CCDC30: variants seen among roughly 807,000 people sequenced by gnomAD.
The protein encoded by CCDC30 is coiled-coil domain-containing protein 30.
In CCDC30, 70 loss-of-function variants were observed where a neutral mutation model predicts 100.2. That is an observed-to-expected ratio of 0.70 (90% CI 0.58 to 0.85). The LOEUF (loss-of-function observed/expected upper bound fraction) is 0.85, where lower values mean the gene tolerates loss of function less well. Ranked by LOEUF, CCDC30 falls within the 40% of genes least tolerant of loss-of-function variation. The pLI is 0.00. For synonymous variants in CCDC30, 233 were observed against 269.5 expected (o/e 0.86, Z 1.33); for missense variants, 652 against 771.2 (o/e 0.85, Z 1.83).
chr1:42,601,836 G>C (rs1368251632), intron 10 of CCDC30, among the ~76,000 whole-genome samples: 2 of 152,166 alleles, frequency 1.3e-5, no homozygotes, highest in Non-Finnish European at 2.9e-5. Flanking sequence ...ACAAAGCAAG[G>C]AGACCGTGAC....
intron 14 of CCDC30, among the ~76,000 whole-genome samples, chr1:42,645,265 C>A (rs1647793384): frequency 6.6e-6 from 1 of 151,932 alleles, no homozygotes; most frequent in South Asian, 2.1e-4. Flanking sequence ...ATGATTCTAG[C>A]CCCATCTAAA....
rs61729295 is a variant in CCDC30 at position 42,646,182 on chromosome 1, G to A, written c.1719G>A (p.Leu573=). 1.0e-3 allele frequency: 1,599 copies of A among 1,602,358 alleles called. 23 individuals are homozygous for A. In the African/African-American group the frequency reaches 0.02, roughly 20 times the overall value. ...CAAAATGGTGGCATAGAGGCAAGCT[G>A]GCTTCTCTCCCTCCAACAAAGAAAC... is the stretch of plus-strand genomic sequence containing the variant. The change falls in exon 15 of 17, where the codon CTG becomes CTA. Residue 573 remains leucine, a synonymous_variant. Transcript: ENST00000668663.
chr1:42,481,509 G>A (rs566674302), intron 2 of CCDC30, among the ~76,000 whole-genome samples: 14 of 150,284 alleles, frequency 9.3e-5, no homozygotes, highest in South Asian at 6.3e-4. Context: ...TCTGGGAGGC[G>A]TAGGTTGCAG....
intron 6 of CCDC30, among the ~76,000 whole-genome samples, chr1:42,540,693 A>C (rs1273375038): frequency 6.6e-6 from 1 of 150,958 alleles, no homozygotes; most frequent in Admixed American, 6.6e-5. Context: ...ACACACACAC[A>C]GTTTTTTATA....
Position 42,500,376 on chromosome 1 carries a change from C to G in CCDC30, c.456+1460C>G. On this transcript the variant is annotated intron_variant, in intron 6 of 16. Transcript: ENST00000668663. ...AAAAGCGGAGTGAGGTGCGTGAGAA[C>G]GAGCGAAGTCTGGTCTGCGCAGTGG... is the stretch of plus-strand genomic sequence containing the variant. 6 of 1,396,692 alleles carry G rather than the reference C, an allele frequency of 4.3e-6. No individual in the cohort carries two copies. In the East Asian group the frequency reaches 1.4e-4, roughly 32 times the overall value. 86.5% of individuals were successfully genotyped at this position (1,396,692 alleles called of 1,614,324 possible).
At chr1:42,581,579 A>T (rs879683943) in intron 9 of CCDC30, 65 bp downstream of exon 13, 4 of 1,436,588 alleles carry the variant, frequency 2.8e-6, no homozygotes, top group Admixed American at 2.2e-5. Context: ...CAGCAATATC[A>T]ATTTTTTCTA....
intron 1 of CCDC30, among the ~76,000 whole-genome samples, chr1:42,466,763 G>A (rs982918236): frequency 2.0e-5 from 3 of 151,968 alleles, no homozygotes; most frequent in African/African-American, 7.3e-5. Context: ...TGTTGGCCAG[G>A]CCAGTCTTGA....
intron 6 of CCDC30, among the ~76,000 whole-genome samples, chr1:42,562,276 G>A (rs978936163): frequency 1.6e-4 from 24 of 152,216 alleles, no homozygotes; most frequent in African/African-American, 5.3e-4. Flanking sequence ...CAATGGAGCA[G>A]AACAGAGACC....
chr1:42,490,391 G>A (rs1006653484), intron 4 of CCDC30, among the ~76,000 whole-genome samples, 162 bp downstream of exon 4: 3 of 151,174 alleles, frequency 2.0e-5, no homozygotes, highest in African/African-American at 4.9e-5. Context: ...ATGCAAGACC[G>A]CATCTCAAAA....
At chr1:42,457,575 C>A in the CCDC30 span, 1 of 568,626 alleles carries the variant, frequency 1.8e-6, no homozygotes, top group Non-Finnish European at 3.1e-6. Context: ...GAGGTATGTA[C>A]AAAGTGCAGT....
Position 42,583,743 on chromosome 1 carries a change from A to G in CCDC30, c.1001+2229A>G, listed in dbSNP as rs1018057394. ...TACAGGGACTTGGTCTTATGCAATTATGGGAACTGGTTATGCAGTCTGTAT... is the reference window on the plus strand; with the variant it reads ...TACAGGGACTTGGTCTTATGCAATTGTGGGAACTGGTTATGCAGTCTGTAT... On this transcript the variant is annotated intron_variant, in intron 9 of 16. Transcript: ENST00000668663. Among the ~76,000 whole-genome samples, 17 of 152,340 alleles carry G rather than the reference A, an allele frequency of 1.1e-4. No homozygotes were observed. In the East Asian group the frequency reaches 3.3e-3, roughly 29 times the overall value.
At chr1:42,479,723 C>G (rs554220775) in intron 1 of CCDC30, among the ~76,000 whole-genome samples, 16 of 152,144 alleles carry the variant, frequency 1.1e-4, no homozygotes, top group African/African-American at 3.9e-4. Context: ...ATACACTCAG[C>G]CCATGGGAAG....
chr1:42,551,031 G>C (rs979815477), intron 6 of CCDC30, among the ~76,000 whole-genome samples: 18 of 152,024 alleles, frequency 1.2e-4, no homozygotes, highest in African/African-American at 4.4e-4. Flanking sequence ...GTGCTGGTTT[G>C]TTACATATGT....
intron 6 of CCDC30, among the ~76,000 whole-genome samples, chr1:42,523,458 ATC>A (rs1644678321): frequency 6.6e-6 from 1 of 152,036 alleles, no homozygotes; most frequent in Non-Finnish European, 1.5e-5. Context: ...TTTGCTGTTA[ATC>A]TCATTGAGGA....
chr1:42,636,354 C>T (rs1330578928), intron 11 of CCDC30, among the ~76,000 whole-genome samples: 3 of 151,924 alleles, frequency 2.0e-5, no homozygotes, highest in African/African-American at 7.3e-5. Context: ...TGTAGTGAGC[C>T]ATGATTGTAC....
intron 6 of CCDC30, among the ~76,000 whole-genome samples, chr1:42,523,073 G>T (rs938791539): frequency 6.6e-6 from 1 of 151,766 alleles, no homozygotes; most frequent in Non-Finnish European, 1.5e-5. Flanking sequence ...CAGGTAATCT[G>T]CCCACCTCAG....
At chr1:42,599,684 C>A (rs548517899) in intron 10 of CCDC30, among the ~76,000 whole-genome samples, 2 of 152,060 alleles carry the variant, frequency 1.3e-5, no homozygotes, top group Non-Finnish European at 2.9e-5. Context: ...AATATAAAGA[C>A]ACATGTAAAT....
chr1:42,546,086 G>A (rs1645124491), intron 6 of CCDC30, among the ~76,000 whole-genome samples: 1 of 151,376 alleles, frequency 6.6e-6, no homozygotes, highest in African/African-American at 2.4e-5. Context: ...TTCAAACAAC[G>A]AATGTATGCG....
chr1:42,571,468 C>T (rs1645731106), intron 7 of CCDC30: 3 of 148,592 alleles, frequency 2.0e-5, no homozygotes, highest in Admixed American at 2.0e-4. Flanking sequence ...TATACCAACC[C>T]TCCAAAATAA....
Sources: gnomAD v4.1 joint callset for allele counts (sites outside exome capture counted in the v4.1 genomes callset) on GRCh38, gnomAD v4.1.1 for gene constraint, MANE v1.5 for transcripts, NCBI Gene and HGNC (gene_info 2026-07-23, HGNC 2026-07-21) for gene names.